Variants in NXPH1 observed in about 807,000 individuals in gnomAD.
NXPH1 encodes the protein neurexophilin-1.
NXPH1 carries 5 observed loss-of-function variants against 23.7 expected under a neutral mutation model. The ratio of observed to expected loss-of-function variants is 0.21; its 90% CI spans 0.11 to 0.44. The LOEUF is 0.44. NXPH1 is among the 20% of genes least tolerant of loss of function. The pLI, the probability that NXPH1 is intolerant of heterozygous loss-of-function variation, is 0.99. For synonymous variants in NXPH1, 144 were observed against 122.2 expected (o/e 1.18, Z -1.18); for missense variants, 324 against 321.6 (o/e 1.01, Z -0.06).
In NXPH1 at chr7:8,710,640, G is replaced by GTTTTT. The variant is rs1368543367; in HGVS notation, c.55-40366_55-40362dup. Among the ~76,000 whole-genome samples, 18 of 27,678 alleles carry GTTTTT rather than the reference G, an allele frequency of 6.5e-4. 2 individuals are homozygous for GTTTTT. The highest frequency in any genetic ancestry group is 9.5e-4 in the Admixed American group (2 of 2,116). The allele number at this position is 27,678 out of a possible 152,430, so 18.2% of individuals were successfully genotyped here. ...TTGAACAAAGCATGTCAACTGTTAC[G>GTTTTT]TTTTTTGTTTTTTTTTTTTTTTTTT... is the stretch of plus-strand genomic sequence containing the variant. On this transcript the variant is annotated intron_variant, in intron 2 of 2. Transcript: ENST00000405863.
In NXPH1 at chr7:8,746,009, T is replaced by A. The variant is rs146399538; in HGVS notation, c.55-4999T>A. ...AACTTTGACTATGATTGCTGGAATGTTACACATAGTGCTGGTTGCATCACA... is the reference window on the plus strand; with the variant it reads ...AACTTTGACTATGATTGCTGGAATGATACACATAGTGCTGGTTGCATCACA... On this transcript the variant is annotated intron_variant, in intron 2 of 2. Transcript: ENST00000405863. Among the ~76,000 whole-genome samples, 424 of 152,302 alleles carry A rather than the reference T, an allele frequency of 2.8e-3. 2 individuals carry two copies. Among genetic ancestry groups the A allele is most frequent in the African/African-American group, 9.7e-3 (405 of 41,550 alleles).
chr7:8,511,910 T>C (rs1817618058), intron 2 of NXPH1, among the ~76,000 whole-genome samples: 1 of 152,124 alleles, frequency 6.6e-6, no homozygotes, highest in Non-Finnish European at 1.5e-5. Flanking sequence ...TGAAAGAAAG[T>C]AGCCACCGGG....
intron 2 of NXPH1, among the ~76,000 whole-genome samples, chr7:8,683,333 A>T (rs2115178489): frequency 6.6e-6 from 1 of 152,316 alleles, no homozygotes; most frequent in African/African-American, 2.4e-5. Context: ...TTTCAATACG[A>T]GATTTGGAGG....
At chr7:8,465,124 A>T (rs1816763379) in intron 2 of NXPH1, among the ~76,000 whole-genome samples, 1 of 152,240 alleles carries the variant, frequency 6.6e-6, no homozygotes, top group African/African-American at 2.4e-5. Context: ...CAACAGGAAA[A>T]TTTATAGTAT....
At chr7:8,506,524 A>G (rs1163898878) in intron 2 of NXPH1, among the ~76,000 whole-genome samples, 1 of 152,108 alleles carries the variant, frequency 6.6e-6, no homozygotes, top group Non-Finnish European at 1.5e-5. Context: ...TGGTCTAGGA[A>G]CAGACTATTA....
At chr7:8,456,826 G>A in intron 2 of NXPH1, among the ~76,000 whole-genome samples, 1 of 152,110 alleles carries the variant, frequency 6.6e-6, no homozygotes, top group East Asian at 1.9e-4. Context: ...GTAAAGTCTA[G>A]CTTGGTGAAA....
intron 2 of NXPH1, among the ~76,000 whole-genome samples, chr7:8,532,181 A>T (rs1214616725): frequency 6.6e-6 from 1 of 152,156 alleles, no homozygotes; most frequent in Non-Finnish European, 1.5e-5. Context: ...CCAGGGAAAG[A>T]TATTTTCCTG....
At chr7:8,615,130 A>G (rs955276520) in intron 2 of NXPH1, among the ~76,000 whole-genome samples, 2 of 151,982 alleles carry the variant, frequency 1.3e-5, no homozygotes, top group African/African-American at 4.8e-5. Flanking sequence ...CTATTGGGGG[A>G]AAATGTACGA....
At chr7:8,698,796 T>C (rs570303292) in intron 2 of NXPH1, among the ~76,000 whole-genome samples, 77 of 152,284 alleles carry the variant, frequency 5.1e-4, no homozygotes, top group Admixed American at 1.8e-3. Flanking sequence ...GAATTGGTAG[T>C]CTCTTATATC....
intron 2 of NXPH1, among the ~76,000 whole-genome samples, chr7:8,747,088 A>AATCC (rs1780483531): frequency 1.3e-5 from 2 of 152,268 alleles, no homozygotes; most frequent in South Asian, 4.1e-4. Flanking sequence ...TGCCCTATTT[A>AATCC]ATCCTCACAA....
chr7:8,550,312 C>G (rs1437512018), intron 2 of NXPH1, among the ~76,000 whole-genome samples: 1 of 151,550 alleles, frequency 6.6e-6, no homozygotes, highest in Non-Finnish European at 1.5e-5. Flanking sequence ...GGGGGTGTTG[C>G]TGGGATCCAG....
chr7:8,614,587 TAG>T (rs1355844103), intron 2 of NXPH1, among the ~76,000 whole-genome samples: 1 of 151,954 alleles, frequency 6.6e-6, no homozygotes, highest in East Asian at 1.9e-4. Context: ...CATTTAGAGA[TAG>T]AGACATATCC....
intron 2 of NXPH1, among the ~76,000 whole-genome samples, chr7:8,696,017 AG>A (rs1779496476): frequency 6.6e-6 from 1 of 152,216 alleles, no homozygotes. Flanking sequence ...AATAGCATAA[AG>A]TTTCAAGTTT....
intron 2 of NXPH1, among the ~76,000 whole-genome samples, chr7:8,527,835 C>T (rs978368015): frequency 2.6e-5 from 4 of 152,176 alleles, no homozygotes; most frequent in Non-Finnish European, 4.4e-5. Context: ...CAACTTGATA[C>T]ACTTTTTAGT....
chr7:8,588,244 C>G (rs1216700364), intron 2 of NXPH1, among the ~76,000 whole-genome samples: 2 of 152,138 alleles, frequency 1.3e-5, no homozygotes, highest in East Asian at 3.9e-4. Context: ...AGTCCCATTA[C>G]TGGGTATATA....
At chr7:8,709,611 G>A (rs1172533264) in intron 2 of NXPH1, among the ~76,000 whole-genome samples, 1 of 151,978 alleles carries the variant, frequency 6.6e-6, no homozygotes, top group African/African-American at 2.4e-5. Flanking sequence ...GGACTAATAT[G>A]TTTTATAAAG....
At chr7:8,514,028 A>G (rs1817653146) in intron 2 of NXPH1, among the ~76,000 whole-genome samples, 1 of 151,964 alleles carries the variant, frequency 6.6e-6, no homozygotes, top group Admixed American at 6.6e-5. Flanking sequence ...CTCTCTGTGC[A>G]TCTCTCTGTG....
intron 2 of NXPH1, among the ~76,000 whole-genome samples, chr7:8,649,877 GCC>G (rs1313975937): frequency 1.3e-5 from 2 of 152,064 alleles, no homozygotes; most frequent in Non-Finnish European, 2.9e-5. Flanking sequence ...AGAAACAGAA[GCC>G]CCCAATGCTA....
chr7:8,600,072 T>TAAGCTCTTCC (rs1819323023), intron 2 of NXPH1, among the ~76,000 whole-genome samples: 1 of 152,016 alleles, frequency 6.6e-6, no homozygotes, highest in Admixed American at 6.6e-5. Flanking sequence ...TCAAATTTCT[T>TAAGCTCTTCC]TCTAAGAAAA....
Sources: allele counts gnomAD v4.1 joint callset (sites outside exome capture counted in the v4.1 genomes callset), GRCh38; gene constraint gnomAD v4.1.1; transcripts MANE v1.5; gene names NCBI Gene and HGNC (gene_info 2026-07-23, HGNC 2026-07-21).